The following SYT1 variants were observed in gnomAD, a reference collection of about 807,000 sequenced individuals.
SYT1 encodes synaptotagmin 1.
SYT1 carries 8 observed loss-of-function variants against 44.8 expected under a neutral mutation model. That is an observed-to-expected ratio of 0.18 (90% CI 0.10 to 0.32). The LOEUF (loss-of-function observed/expected upper bound fraction) is 0.32, where lower values mean the gene tolerates loss of function less well. Ranked by LOEUF, SYT1 falls within the 10% of genes least tolerant of loss-of-function variation. The pLI, the probability that SYT1 is intolerant of heterozygous loss-of-function variation, is 1.00. For missense variants in SYT1, 286 were observed against 509.3 expected, an observed-to-expected ratio of 0.56 and a Z score of 4.22; for synonymous variants, 154 against 188.8, an observed-to-expected ratio of 0.82 and a Z score of 1.51.
intron 7 of SYT1, among the ~76,000 whole-genome samples, chr12:79,297,776 T>C (rs948693034): frequency 6.6e-6 from 1 of 152,166 alleles, no homozygotes; most frequent in Admixed American, 6.5e-5. Flanking sequence ...AGAGGCAATA[T>C]GATACAGGAA....
At chr12:79,265,260 G>T (rs6539344) in intron 4 of SYT1, among the ~76,000 whole-genome samples, 105,497 of 151,952 alleles carry the variant, frequency 0.69, 38,466 homozygotes, top group African/African-American at 0.92. Flanking sequence ...ATTTTATACA[G>T]AGGAAAACTG....
chr12:79,361,297 C>T (rs1883306902), intron 9 of SYT1, among the ~76,000 whole-genome samples: 1 of 152,134 alleles, frequency 6.6e-6, no homozygotes. Flanking sequence ...AACTGAAGGA[C>T]AGAGAGGTAC....
At chr12:79,351,949 CAT>C (rs1254328283) in intron 8 of SYT1, among the ~76,000 whole-genome samples, 1 of 152,060 alleles carries the variant, frequency 6.6e-6, no homozygotes. Flanking sequence ...AGAATTAAGA[CAT>C]ATACACACTG....
chr12:78,904,695 T>C (rs1450028931), intron 1 of SYT1, among the ~76,000 whole-genome samples: 1 of 152,142 alleles, frequency 6.6e-6, no homozygotes, highest in African/African-American at 2.4e-5. Context: ...TCTGCTCCAT[T>C]ACATGAGTAA....
intron 4 of SYT1, among the ~76,000 whole-genome samples, chr12:79,248,440 T>C (rs1379123323): frequency 1.3e-5 from 2 of 152,130 alleles, no homozygotes; most frequent in African/African-American, 2.4e-5. Flanking sequence ...ATTTTGACAA[T>C]AGCATGAAAG....
At chr12:78,866,000 T>A (rs1436753990) in intron 1 of SYT1, among the ~76,000 whole-genome samples, 2 of 152,168 alleles carry the variant, frequency 1.3e-5, no homozygotes, top group Admixed American at 6.5e-5. Flanking sequence ...TCAAAAAATG[T>A]AAAGTTTCAA....
intron 2 of SYT1, among the ~76,000 whole-genome samples, chr12:79,041,411 T>A (rs1873562043): frequency 6.6e-6 from 1 of 151,866 alleles, no homozygotes; most frequent in Admixed American, 6.6e-5. Context: ...TCACTCATGA[T>A]TTGGCTCTCT....
chr12:78,916,854 A>T (rs1462309797), intron 1 of SYT1, among the ~76,000 whole-genome samples: 5 of 152,036 alleles, frequency 3.3e-5, no homozygotes, highest in Non-Finnish European at 7.4e-5. Flanking sequence ...ATGTACCCCC[A>T]TTCTCACAGA....
chr12:79,070,827 G>C (rs1397443052), intron 3 of SYT1, among the ~76,000 whole-genome samples: 1 of 151,966 alleles, frequency 6.6e-6, no homozygotes, highest in Non-Finnish European at 1.5e-5. Context: ...ATATCATGCA[G>C]TATACTTTTG....
At chr12:78,980,680 A>C (rs1869184278) in intron 2 of SYT1, among the ~76,000 whole-genome samples, 1 of 152,224 alleles carries the variant, frequency 6.6e-6, no homozygotes, top group Non-Finnish European at 1.5e-5. Context: ...TAGTAAAATT[A>C]CATAAGTTAT....
intron 8 of SYT1, among the ~76,000 whole-genome samples, chr12:79,328,100 T>C (rs1264629108): frequency 1.3e-5 from 2 of 152,190 alleles, no homozygotes; most frequent in Non-Finnish European, 2.9e-5. Context: ...AGTGTGAAGA[T>C]GAATTGGAGG....
At chr12:79,192,683 A>G (rs940702421) in intron 3 of SYT1, among the ~76,000 whole-genome samples, 1 of 152,026 alleles carries the variant, frequency 6.6e-6, no homozygotes, top group Non-Finnish European at 1.5e-5. Flanking sequence ...ATTTTGCGAA[A>G]CCATTCTGGC....
At chr12:78,894,874 A>T (rs527695508) in intron 1 of SYT1, among the ~76,000 whole-genome samples, 2 of 151,794 alleles carry the variant, frequency 1.3e-5, no homozygotes, top group South Asian at 4.1e-4. Flanking sequence ...TAATAGCAGT[A>T]TATTGTATAC....
At chr12:79,167,181 A>T (rs1164870903) in intron 3 of SYT1, among the ~76,000 whole-genome samples, 2 of 152,070 alleles carry the variant, frequency 1.3e-5, no homozygotes, top group Non-Finnish European at 2.9e-5. Flanking sequence ...TTGCGATCTC[A>T]GATTCCCTAT....
chr12:78,938,284 A>G (rs928138670), intron 1 of SYT1, among the ~76,000 whole-genome samples: 1 of 152,166 alleles, frequency 6.6e-6, no homozygotes, highest in African/African-American at 2.4e-5. Flanking sequence ...TCAGCGAGTA[A>G]GTCCAGATCA....
intron 3 of SYT1, among the ~76,000 whole-genome samples, chr12:79,188,161 C>T (rs1047357000): frequency 2.0e-5 from 3 of 151,898 alleles, no homozygotes; most frequent in African/African-American, 7.3e-5. Flanking sequence ...TTCCAGTTCC[C>T]TTTTTCATCC....
At chr12:79,114,663 A>G (rs1041260325) in intron 3 of SYT1, among the ~76,000 whole-genome samples, 1 of 152,180 alleles carries the variant, frequency 6.6e-6, no homozygotes, top group Non-Finnish European at 1.5e-5. Context: ...TTGAGATAGA[A>G]CACAGCTCTT....
chr12:78,916,556 G>C (rs117561163), intron 1 of SYT1, among the ~76,000 whole-genome samples: 2 of 151,500 alleles, frequency 1.3e-5, no homozygotes, highest in Non-Finnish European at 2.9e-5. Flanking sequence ...ATTACTTATT[G>C]ATCTGTTCGC....
intron 8 of SYT1, among the ~76,000 whole-genome samples, chr12:79,322,235 C>T (rs1423500064): frequency 6.6e-6 from 1 of 152,104 alleles, no homozygotes; most frequent in Non-Finnish European, 1.5e-5. Context: ...GCTAAAATCT[C>T]CTAAAGAGTT....
Sources: gnomAD v4.1 joint callset for allele counts (sites outside exome capture counted in the v4.1 genomes callset) on GRCh38, gnomAD v4.1.1 for gene constraint, MANE v1.5 for transcripts, NCBI Gene and HGNC (gene_info 2026-07-23, HGNC 2026-07-21) for gene names.